The following CDKL5 variants were observed in gnomAD, a reference collection of about 807,000 sequenced individuals.
CDKL5 encodes the protein cyclin-dependent kinase-like 5.
Under a neutral mutation model 61.7 loss-of-function variants are expected in CDKL5, and 8 were observed. That is an observed-to-expected ratio of 0.13 (90% CI 0.08 to 0.23). CDKL5 has a LOEUF of 0.23. Ranked by LOEUF, CDKL5 falls within the 10% of genes least tolerant of loss-of-function variation. The probability of loss-of-function intolerance (pLI) is 1.00; values close to 1 mark genes in which losing one functional copy is unlikely to be tolerated. For synonymous variants in CDKL5, 275 were observed against 272.3 expected (o/e 1.01, Z -0.10); for missense variants, 440 against 734.5 (o/e 0.60, Z 4.63).
At chrX:18,436,635 C>G (rs1931614275) in intron 1 of CDKL5, among the ~76,000 whole-genome samples, 1 of 110,630 alleles carries the variant, frequency 9.0e-6, no homozygotes, top group Admixed American at 9.7e-5. Flanking sequence ...CATGGTGGCT[C>G]ACACCTGTAA....
intron 3 of CDKL5, among the ~76,000 whole-genome samples, chrX:18,546,904 C>T (rs1200195333): frequency 9.0e-6 from 1 of 111,291 alleles, no homozygotes; most frequent in East Asian, 2.8e-4. Flanking sequence ...GTGCTTCCTG[C>T]AGGAGGGTTT....
intron 21 of CDKL5, among the ~76,000 whole-genome samples, chrX:18,652,323 C>T (rs1019669657): frequency 8.9e-6 from 1 of 111,896 alleles, no homozygotes; most frequent in African/African-American, 3.2e-5. Flanking sequence ...CAAAAGAAAC[C>T]ATAAATTGAG....
intron 21 of CDKL5, among the ~76,000 whole-genome samples, chrX:18,653,040 G>C (rs969170728): frequency 1.1e-4 from 12 of 112,415 alleles, no homozygotes; most frequent in African/African-American, 3.9e-4. Context: ...ATAGTGTTAT[G>C]CATAGATATT....
intron 4 of CDKL5, among the ~76,000 whole-genome samples, chrX:18,569,105 A>G (rs749669059): frequency 8.9e-6 from 1 of 112,050 alleles, no homozygotes; most frequent in Non-Finnish European, 1.9e-5. Context: ...TGACTTGGGG[A>G]TATAGACTCC....
At position 18,534,868 on chromosome X, in the gene CDKL5, ACTT is replaced by A. The variant is rs764586962; in HGVS notation, c.99+24017_99+24019del. Among the ~76,000 whole-genome samples the A allele has an allele frequency of 3.6e-5, 4 of 112,258 alleles. No homozygotes were observed. The South Asian group carries it at 1.5e-3, about 41-fold the overall frequency. On this transcript the variant is annotated intron_variant, in intron 3 of 17. Coordinates refer to ENST00000623535, the MANE Select transcript of CDKL5 (RefSeq NM_001323289.2). ...CTTGCATGAAAATGAATTCACATAA[ACTT>A]CTACCTGGTGTGAGCAATTTTCTTT...
chrX:18,542,403 A>G (rs1351945449), intron 3 of CDKL5, among the ~76,000 whole-genome samples: 2 of 111,879 alleles, frequency 1.8e-5, no homozygotes, highest in East Asian at 5.6e-4. Context: ...GGGGTAGAGT[A>G]GTTATTGTCT....
chrX:18,459,278 G>A (rs763468268), intron 1 of CDKL5, among the ~76,000 whole-genome samples: 2 of 111,204 alleles, frequency 1.8e-5, no homozygotes, highest in African/African-American at 6.5e-5. Context: ...ACCTGAGGCC[G>A]AGCACCATGG....
chrX:18,621,472 G>C (rs1466859924), intron 16 of CDKL5, among the ~76,000 whole-genome samples: 2 of 111,488 alleles, frequency 1.8e-5, no homozygotes, highest in African/African-American at 6.5e-5. Flanking sequence ...ACCACAACTA[G>C]TATTAGGATT....
intron 21 of CDKL5, among the ~76,000 whole-genome samples, chrX:18,651,264 T>TGAGAGAGAGA (rs1191836877): frequency 8.7e-5 from 6 of 69,012 alleles, no homozygotes; most frequent in African/African-American, 3.1e-4. Context: ...TGTGTGTGTG[T>TGAGAGAGAGA]GAGAGAGAGA....
Position 18,630,383 on chromosome X carries a change from G to A in CDKL5, c.*1626G>A. On this transcript the variant is annotated 3_prime_UTR_variant, in exon 18 of 18. Transcript: ENST00000623535. ...TAGTAGATTTTTGGAATTAGTCTCT[G>A]AGCAATAATACTTTTAAAGGTCCCT... is the stretch of plus-strand genomic sequence containing the variant. 1 of 752,777 alleles carries A rather than the reference G, an allele frequency of 1.3e-6. No individual in the cohort carries two copies. The highest frequency in any genetic ancestry group is 2.3e-5 in the African/African-American group (1 of 43,574). 62.0% of individuals were successfully genotyped at this position (752,777 alleles called of 1,213,427 possible).
intron 1 of CDKL5, among the ~76,000 whole-genome samples, chrX:18,434,883 G>A (rs1001784023): frequency 3.6e-5 from 4 of 111,783 alleles, no homozygotes; most frequent in Admixed American, 1.9e-4. Context: ...AGCCAAGGTC[G>A]CACCACTGTA....
intron 3 of CDKL5, among the ~76,000 whole-genome samples, chrX:18,537,457 C>T (rs917616624): frequency 6.3e-5 from 7 of 111,881 alleles, no homozygotes; most frequent in Non-Finnish European, 9.4e-5. Flanking sequence ...AGTATAGTAT[C>T]GTAACTAGAA....
intron 3 of CDKL5, among the ~76,000 whole-genome samples, chrX:18,548,426 A>G (rs1924274268): frequency 8.9e-6 from 1 of 111,995 alleles, no homozygotes; most frequent in African/African-American, 3.2e-5. Context: ...ACAATGTATA[A>G]TAAGATATGA....
At chrX:18,499,571 A>G (rs1355320730) in intron 1 of CDKL5, among the ~76,000 whole-genome samples, 2 of 110,439 alleles carry the variant, frequency 1.8e-5, no homozygotes, top group African/African-American at 3.3e-5. Flanking sequence ...CACCATGTTA[A>G]CCAGGATGGT....
intron 1 of CDKL5, among the ~76,000 whole-genome samples, chrX:18,505,984 C>T (rs906765248): frequency 8.9e-6 from 1 of 112,906 alleles, no homozygotes. Context: ...TGGAATTATA[C>T]TTCGCAAAAG....
intron 12 of CDKL5, among the ~76,000 whole-genome samples, chrX:18,607,337 C>T (rs112111254): frequency 2.7e-5 from 3 of 111,978 alleles, no homozygotes; most frequent in African/African-American, 6.5e-5. Context: ...GAGAAAGAAC[C>T]TCCAGAGCCT....
chrX:18,564,137 G>C (rs1466742870), intron 3 of CDKL5, among the ~76,000 whole-genome samples: 1 of 111,479 alleles, frequency 9.0e-6, no homozygotes, highest in Non-Finnish European at 1.9e-5. Flanking sequence ...GACTTCAGAG[G>C]GCAGTACAGA....
intron 1 of CDKL5, among the ~76,000 whole-genome samples, chrX:18,469,498 A>G (rs1255957810): frequency 1.9e-5 from 2 of 107,613 alleles, no homozygotes; most frequent in African/African-American, 3.4e-5. Context: ...AAAATGCAAA[A>G]TTAGCTGGGC....
At chrX:18,481,796 A>G (rs945812819) in intron 1 of CDKL5, among the ~76,000 whole-genome samples, 1 of 110,863 alleles carries the variant, frequency 9.0e-6, no homozygotes, top group African/African-American at 3.3e-5. Flanking sequence ...CAGTATTCTC[A>G]GCCTTCCTTG....
Sources: allele counts gnomAD v4.1 joint callset (sites outside exome capture counted in the v4.1 genomes callset), GRCh38; gene constraint gnomAD v4.1.1; transcripts MANE v1.5; gene names NCBI Gene and HGNC (gene_info 2026-07-23, HGNC 2026-07-21).